RARB: variants seen among roughly 807,000 people sequenced by gnomAD.
RARB encodes the protein HBV-activated protein.
In RARB, 17 loss-of-function variants were observed where a neutral mutation model predicts 51.9. The ratio of observed to expected loss-of-function variants is 0.33; its 90% CI spans 0.22 to 0.49. The LOEUF (loss-of-function observed/expected upper bound fraction) is 0.49, where lower values mean the gene tolerates loss of function less well. RARB is among the 20% of genes least tolerant of loss of function. RARB has a pLI of 0.99. For missense variants in RARB, 369 were observed against 550.8 expected, an observed-to-expected ratio of 0.67 and a Z score of 3.30; for synonymous variants, 215 against 195.4, an observed-to-expected ratio of 1.10 and a Z score of -0.84.
rs142376668 is a variant in RARB at position 25,394,365 on chromosome 3, A to G, written c.179-66828A>G. ...TTCAATGTGCTGATGAATAGAATGT[A>G]TATTCTGCAGTTGTTGGTTAGAATG... is the stretch of plus-strand genomic sequence containing the variant. On this transcript the variant is annotated intron_variant, in intron 5 of 11. Coordinates refer to the RARB transcript ENST00000383772. Among the ~76,000 whole-genome samples, 3 of 152,268 alleles carry G rather than the reference A, an allele frequency of 2.0e-5. No homozygotes were observed. In the East Asian group the frequency reaches 5.8e-4, roughly 29 times the overall value.
At chr3:25,010,982 G>A (rs1409288329) in intron 2 of RARB, among the ~76,000 whole-genome samples, 1 of 152,086 alleles carries the variant, frequency 6.6e-6, no homozygotes, top group Non-Finnish European at 1.5e-5. Context: ...GCAATGCTCA[G>A]CATGCATCTT....
At chr3:24,910,417 A>G (rs985305963) in intron 2 of RARB, among the ~76,000 whole-genome samples, 1 of 152,188 alleles carries the variant, frequency 6.6e-6, no homozygotes, top group Non-Finnish European at 1.5e-5. Flanking sequence ...AAATAAACAC[A>G]AAATAATTGG....
At chr3:24,998,065 T>A (rs557987684) in intron 2 of RARB, among the ~76,000 whole-genome samples, 2 of 152,322 alleles carry the variant, frequency 1.3e-5, no homozygotes, top group African/African-American at 4.8e-5. Flanking sequence ...TTTTATAGAC[T>A]GTTTACTGCT....
At chr3:24,944,819 C>A (rs1478993507) in intron 2 of RARB, among the ~76,000 whole-genome samples, 1 of 152,108 alleles carries the variant, frequency 6.6e-6, no homozygotes, top group Non-Finnish European at 1.5e-5. Flanking sequence ...TTAGTGCCAA[C>A]CAGTGTTACT....
intron 3 of RARB, among the ~76,000 whole-genome samples, chr3:25,071,356 A>G (rs994632048): frequency 1.3e-5 from 2 of 152,214 alleles, no homozygotes; most frequent in African/African-American, 4.8e-5. Flanking sequence ...ACATGCCATG[A>G]TACTTTGGAT....
At chr3:25,565,686 A>G (rs1322246892) in intron 3 of RARB, among the ~76,000 whole-genome samples, 2 of 152,204 alleles carry the variant, frequency 1.3e-5, no homozygotes, top group African/African-American at 4.8e-5. Flanking sequence ...CTCCTCTGCC[A>G]CTGACAGCCA....
chr3:25,106,244 G>A (rs191959254), intron 3 of RARB, among the ~76,000 whole-genome samples: 506 of 45,000 alleles, frequency 0.011, 3 homozygotes, highest in African/African-American at 0.04. Context: ...TCAAAGGGTG[G>A]TTTCTCGGAG....
chr3:25,018,374 T>C (rs1697560040), intron 2 of RARB, among the ~76,000 whole-genome samples: 2 of 152,154 alleles, frequency 1.3e-5, no homozygotes, highest in African/African-American at 4.8e-5. Context: ...GGAATTCCAG[T>C]TGTTGACCTG....
chr3:25,580,824 T>G, intron 5 of RARB, 102 bp downstream of exon 5: 1 of 1,320,642 alleles, frequency 7.6e-7, no homozygotes, highest in East Asian at 2.4e-5. Flanking sequence ...CAGAGGAGGT[T>G]TTGAGTTTCG....
chr3:25,265,895 C>T (rs1703114191), intron 5 of RARB, among the ~76,000 whole-genome samples: 1 of 152,154 alleles, frequency 6.6e-6, no homozygotes, highest in Admixed American at 6.6e-5. Flanking sequence ...CATTCCCTTG[C>T]TTTGCTTGGT....
At chr3:25,530,164 C>G (rs1164284401) in intron 3 of RARB, among the ~76,000 whole-genome samples, 2 of 152,190 alleles carry the variant, frequency 1.3e-5, no homozygotes, top group Non-Finnish European at 2.9e-5. Context: ...TCCCCTGGGT[C>G]TGGCACATCA....
intron 2 of RARB, among the ~76,000 whole-genome samples, chr3:24,884,666 G>A (rs986731331): frequency 1.3e-5 from 2 of 152,060 alleles, no homozygotes; most frequent in African/African-American, 4.8e-5. Flanking sequence ...CTTTGTGAAA[G>A]CTCTTTGACG....
At chr3:25,498,610 T>A (rs1697151989) in intron 2 of RARB, among the ~76,000 whole-genome samples, 1 of 152,242 alleles carries the variant, frequency 6.6e-6, no homozygotes. Flanking sequence ...CATAAAGTTC[T>A]TTAATTCTCT....
At chr3:24,868,826 T>C (rs557732036) in intron 2 of RARB, among the ~76,000 whole-genome samples, 2 of 152,306 alleles carry the variant, frequency 1.3e-5, no homozygotes, top group South Asian at 4.1e-4. Context: ...TATCTACCCA[T>C]GACCTGGAAG....
At chr3:25,456,679 A>G (rs1694930510) in intron 1 of RARB, among the ~76,000 whole-genome samples, 1 of 103,390 alleles carries the variant, frequency 9.7e-6, no homozygotes, top group Non-Finnish European at 1.9e-5. Flanking sequence ...ATATATATAT[A>G]TATAGAGAGA....
In RARB at chr3:24,918,881, G is replaced by A. The variant is rs145115866; in HGVS notation, c.-380+60129G>A. On this transcript the variant is annotated intron_variant, in intron 2 of 11. Coordinates refer to the RARB transcript ENST00000383772. ...CTCCAGCCTGGGTGACAGAGCGAGAGTCTCAAAAAATAAATAAAATTAAAT... is the reference window on the plus strand; with the variant it reads ...CTCCAGCCTGGGTGACAGAGCGAGAATCTCAAAAAATAAATAAAATTAAAT... Among the ~76,000 whole-genome samples, 658 of 152,062 alleles carry A rather than the reference G, an allele frequency of 4.3e-3. 6 individuals are homozygous for A. Among genetic ancestry groups the A allele is most frequent in the African/African-American group, 0.015 (620 of 41,502 alleles).
chr3:25,483,839 C>A (rs1237523737), intron 2 of RARB, among the ~76,000 whole-genome samples: 1 of 152,072 alleles, frequency 6.6e-6, no homozygotes, highest in African/African-American at 2.4e-5. Context: ...ATTAATGTGA[C>A]AGGGAGTCGG....
chr3:25,467,392 G>A (rs1484899409), intron 2 of RARB, among the ~76,000 whole-genome samples: 1 of 152,216 alleles, frequency 6.6e-6, no homozygotes, highest in Non-Finnish European at 1.5e-5. Context: ...CATGTCTGGG[G>A]CCTTGGCAGG....
intron 5 of RARB, among the ~76,000 whole-genome samples, chr3:25,362,490 T>C (rs1302916185): frequency 6.6e-6 from 1 of 152,098 alleles, no homozygotes; most frequent in Admixed American, 6.5e-5. Context: ...AACGGTTCTG[T>C]CTCGCTGGCA....
Sources: gnomAD v4.1 joint callset for allele counts (sites outside exome capture counted in the v4.1 genomes callset) on GRCh38, gnomAD v4.1.1 for gene constraint, MANE v1.5 for transcripts, NCBI Gene and HGNC (gene_info 2026-07-23, HGNC 2026-07-21) for gene names.